TUB: variants seen among roughly 807,000 people sequenced by gnomAD.
The protein encoded by TUB is TUB bipartite transcription factor.
In TUB, 33 loss-of-function variants were observed where a neutral mutation model predicts 59.7. The observed-to-expected ratio is 0.55, with a 90% CI of 0.42 to 0.74. The LOEUF is 0.74. Among genes scored for constraint, TUB ranks in the 30% least tolerant of loss-of-function variants. The probability of loss-of-function intolerance (pLI) is 0.00; values close to 1 mark genes in which losing one functional copy is unlikely to be tolerated. For missense variants in TUB, 659 were observed against 672.0 expected (o/e 0.98, Z 0.21); for synonymous variants, 293 against 256.4 (o/e 1.14, Z -1.36).
chr11:8,074,940 T>A (rs1298379643), intron 2 of TUB, among the ~76,000 whole-genome samples: 1 of 151,874 alleles, frequency 6.6e-6, no homozygotes, highest in Non-Finnish European at 1.5e-5. Context: ...AGAGACGGGT[T>A]TGCCATGTTG....
chr11:8,039,496 C>T, intron 1 of TUB: 1 of 626,548 alleles, frequency 1.6e-6, no homozygotes, highest in Non-Finnish European at 2.6e-6. Flanking sequence ...TCCCTCTACC[C>T]TGATCCATCA....
At chr11:8,099,408 G>A (rs1174975642) in intron 9 of TUB, among the ~76,000 whole-genome samples, 1 of 152,134 alleles carries the variant, frequency 6.6e-6, no homozygotes, top group Non-Finnish European at 1.5e-5. Context: ...AATCAGGGGT[G>A]GGTATCTCAT....
intron 2 of TUB, among the ~76,000 whole-genome samples, chr11:8,054,971 C>T (rs554314197): frequency 6.6e-5 from 10 of 152,244 alleles, no homozygotes; most frequent in East Asian, 1.9e-4. Flanking sequence ...GAGGCTGGCC[C>T]GTCCTAGAGT....
At chr11:8,019,621 G>A (rs1942388537) in intron 1 of TUB, among the ~76,000 whole-genome samples, 1 of 152,086 alleles carries the variant, frequency 6.6e-6, no homozygotes, top group South Asian at 2.1e-4. Flanking sequence ...TGGCACCTCT[G>A]CCCCCACCCC....
At chr11:8,054,401 G>C (rs1942982692) in intron 2 of TUB, among the ~76,000 whole-genome samples, 1 of 152,142 alleles carries the variant, frequency 6.6e-6, no homozygotes, top group African/African-American at 2.4e-5. Flanking sequence ...ATGGTCCTCT[G>C]ACTTTCCACA....
chr11:8,038,242 G>T (rs1336674596), upstream of TUB, among the ~76,000 whole-genome samples: 1 of 152,286 alleles, frequency 6.6e-6, no homozygotes, highest in East Asian at 1.9e-4. Flanking sequence ...AAGAGGGCTG[G>T]GTCCACAATG....
rs1944121106 is a variant in TUB, at chr11:8,098,770, G to A, written c.1011G>A (p.Met337Ile). ...SYIGKLRSNLMGTKFTVYDNG... is the reference protein window; with the variant it reads ...SYIGKLRSNLIGTKFTVYDNG... ...GCCTTTATTTCAGGTCCAACTTGAT[G>A]GGCACCAAGTTCACTGTTTATGACA... Residue 337 changes from methionine to isoleucine, a missense_variant, in exon 9 of 12, where the codon ATG becomes ATA. Met to Ile is a conservative substitution (Grantham distance 10). Around this residue, in one of 3 missense-constraint regions of TUB, gnomAD observed 112 missense variants for 156.9 expected, o/e 0.71. Transcript: ENST00000299506. The A allele has an allele frequency of 6.2e-7, 1 of 1,613,766 alleles. No individual in the cohort carries two copies. The highest frequency in any genetic ancestry group is 8.5e-7 in the Non-Finnish European group (1 of 1,179,818).
chr11:8,089,694 A>G, intron 2 of TUB, 33 bp downstream of exon 2: 1 of 1,613,828 alleles, frequency 6.2e-7, no homozygotes, highest in Non-Finnish European at 8.5e-7. Context: ...AGAAGGGAAG[A>G]GTCTGGGCTG....
intron 5 of TUB, 130 bp downstream of exon 5, chr11:8,095,795 A>C: frequency 9.8e-7 from 1 of 1,015,240 alleles, no homozygotes; most frequent in Non-Finnish European, 1.4e-6. Flanking sequence ...GGTGGGGCAC[A>C]CTTCGGAGAC....
At chr11:8,093,182 G>C (rs76617064) in intron 3 of TUB, among the ~76,000 whole-genome samples, 45 of 152,136 alleles carry the variant, frequency 3.0e-4, no homozygotes, top group South Asian at 8.3e-4. Flanking sequence ...GGCAGGCACA[G>C]CGTCCCTCGG....
intron 2 of TUB, among the ~76,000 whole-genome samples, chr11:8,056,135 T>C (rs1378292690): frequency 1.3e-5 from 2 of 152,186 alleles, no homozygotes; most frequent in Non-Finnish European, 2.9e-5. Flanking sequence ...CTATCCCTTC[T>C]CAGCTCTCTG....
intron 2 of TUB, among the ~76,000 whole-genome samples, chr11:8,059,042 C>G (rs1301526999): frequency 6.6e-6 from 1 of 152,184 alleles, no homozygotes; most frequent in Non-Finnish European, 1.5e-5. Context: ...ATAGTCCCAA[C>G]ATGTCTCCTT....
intron 2 of TUB, among the ~76,000 whole-genome samples, chr11:8,048,871 A>G (rs1477901315): frequency 1.3e-5 from 2 of 152,236 alleles, no homozygotes; most frequent in Non-Finnish European, 2.9e-5. Context: ...AATATTACAT[A>G]TAGCATATAT....
intron 1 of TUB, 77 bp downstream of exon 1, chr11:8,081,625 G>A: frequency 2.1e-6 from 3 of 1,396,904 alleles, no homozygotes; most frequent in South Asian, 1.6e-5. Flanking sequence ...CGGCCGGGGC[G>A]CAGGGCACCG....
At position 8,039,430 on chromosome 11, in the gene TUB, A is replaced by ACTGACTGC. The variant is rs1554921848; in HGVS notation, c.156-212_156-211insACTGCCTG. 1.6e-5 allele frequency: 7 copies of ACTGACTGC among 441,366 alleles called. No homozygotes were observed. The Admixed American group carries it at 2.5e-4, about 16-fold the overall frequency. 27.3% of individuals were successfully genotyped at this position (441,366 alleles called of 1,614,324 possible). ...TCAGGTCATCACTGCCCTCATCTGG[A>ACTGACTGC]CTGCCTGCCTGCCTGCCTGCCATCC... is the stretch of plus-strand genomic sequence containing the variant. On this transcript the variant is annotated intron_variant, in intron 1 of 12. Transcript: ENST00000305253.
intron 1 of TUB, among the ~76,000 whole-genome samples, chr11:8,033,009 G>T (rs991480227): frequency 5.3e-5 from 8 of 152,144 alleles, no homozygotes; most frequent in African/African-American, 1.9e-4. Context: ...TCCCTCTGTT[G>T]GCTGGTGACA....
At position 8,081,619 on chromosome 11, in the gene TUB, C is replaced by G. The variant is rs1943566129; in HGVS notation, c.38+71C>G. 4.9e-6 allele frequency: 7 copies of G among 1,426,830 alleles called. No homozygotes were observed. The Admixed American group carries it at 1.6e-4, about 32-fold the overall frequency. The allele number at this position is 1,426,830 out of a possible 1,614,324, so 88.4% of individuals were successfully genotyped here. On this transcript the variant is annotated intron_variant, in intron 1 of 11. Coordinates refer to ENST00000299506, the MANE Select transcript of TUB (RefSeq NM_177972.3). ...CGTGAGCTGGCTGGGGATACGCGGCCGGGGCGCAGGGCACCGCTGCCCTCC... is the reference window on the plus strand; with the variant it reads ...CGTGAGCTGGCTGGGGATACGCGGCGGGGGCGCAGGGCACCGCTGCCCTCC...
At chr11:8,065,374 A>C (rs1943219489) in intron 2 of TUB, among the ~76,000 whole-genome samples, 1 of 152,142 alleles carries the variant, frequency 6.6e-6, no homozygotes, top group Admixed American at 6.5e-5. Flanking sequence ...AGGTTCAACA[A>C]TGGGAGTGAC....
At position 8,081,318 on chromosome 11, in the gene TUB, C is replaced by T. The variant is rs1320537736; in HGVS notation, c.-193C>T. ...CGGAGCTTCGCCCATCTCGCCTCGC[C>T]GCGCCGCGCAGGCAGCCGCTCGCAG... is the stretch of plus-strand genomic sequence containing the variant. On this transcript the variant is annotated 5_prime_UTR_variant, in exon 1 of 12. Transcript: ENST00000299506. The T allele has an allele frequency of 1.0e-6, 1 of 964,940 alleles. No homozygotes were observed. The highest frequency in any genetic ancestry group is 1.2e-6 in the Non-Finnish European group (1 of 811,752). 59.8% of individuals were successfully genotyped at this position (964,940 alleles called of 1,614,324 possible). A position where few individuals can be genotyped will look rare whatever the true frequency, so the allele number is the denominator to read the frequency against.
Sources: gnomAD v4.1 joint callset for allele counts (sites outside exome capture counted in the v4.1 genomes callset) on GRCh38, gnomAD v4.1.1 for gene constraint, gnomAD v4.1.1 regional missense constraint, MANE v1.5 for transcripts, NCBI Gene and HGNC (gene_info 2026-07-23, HGNC 2026-07-21) for gene names.